The following MYH7B variants were observed in gnomAD, a reference collection of about 807,000 sequenced individuals.
MYH7B encodes the protein myosin-7B.
In MYH7B, 205 loss-of-function variants were observed where a neutral mutation model predicts 234.5. The observed-to-expected ratio is 0.87, with a 90% CI of 0.78 to 0.98. The LOEUF (loss-of-function observed/expected upper bound fraction) is 0.98. MYH7B is among the 50% of genes least tolerant of loss of function. MYH7B has a pLI of 0.00. For missense variants in MYH7B, 2,652 were observed against 2,633.4 expected (o/e 1.01, Z -0.15); for synonymous variants, 1,193 against 1,105.0 (o/e 1.08, Z -1.58).
At chr20:34,969,215 G>C (rs1205609381) in intron 2 of MYH7B, among the ~76,000 whole-genome samples, 1 of 152,166 alleles carries the variant, frequency 6.6e-6, no homozygotes, top group Admixed American at 6.5e-5. Context: ...CACTCTCTGA[G>C]GACCAGCCCT....
chr20:34,997,496 C>T, exon 32 of MYH7B: 2 of 1,568,598 alleles, frequency 1.3e-6, no homozygotes, highest in Non-Finnish European at 8.6e-7. Flanking sequence ...CACTGCGGCG[C>T]AAGCAGGCGG....
Position 34,996,406 on chromosome 20 carries a change from G to A in MYH7B, c.3004G>A (p.Glu1002Lys), listed in dbSNP as rs1214758148. 3.1e-6 allele frequency: 5 copies of A among 1,612,922 alleles called. No homozygotes were observed. The highest frequency in any genetic ancestry group is 4.2e-6 in the Non-Finnish European group (5 of 1,179,700). ...CGAGTCAGTGGCCCGGCTGACCAAGGAGAAGAAGGCGTTGCAGGAGGCCCA... is the reference window on the plus strand; with the variant it reads ...CGAGTCAGTGGCCCGGCTGACCAAGAAGAAGAAGGCGTTGCAGGAGGCCCA... Residue 1002 changes from glutamate to lysine, a missense_variant, in exon 29 of 45, where the codon GAG becomes AAG. Coordinates refer to ENST00000262873, the Ensembl canonical transcript of MYH7B.
exon 10 of MYH7B, chr20:34,982,497 G>T (rs779307780): frequency 6.2e-7 from 1 of 1,613,804 alleles, no homozygotes; most frequent in Non-Finnish European, 8.5e-7. Flanking sequence ...AACACCAAGC[G>T]GGTCATTCAG....
At chr20:34,956,856 A>G (rs1016074698) in intron 1 of MYH7B, among the ~76,000 whole-genome samples, 3 of 152,140 alleles carry the variant, frequency 2.0e-5, no homozygotes, top group African/African-American at 7.2e-5. Context: ...GGAGTTGGAG[A>G]CCAGGCTGGG....
Position 34,982,536 on chromosome 20 carries a change from A to ACGGGC in MYH7B, c.611_615dup (p.Lys206ArgfsTer36), listed in dbSNP as rs764950910. 8.7e-6 allele frequency: 14 copies of ACGGGC among 1,607,372 alleles called. No individual in the cohort carries two copies. In the East Asian group the frequency reaches 3.2e-4, roughly 36 times the overall value. ...TTTGCCATCGTCGCTGCCCTGGGAG[A>ACGGGC]CGGGCCGGGCAAGAAGGCCGTAAGA... On this transcript the variant is annotated frameshift_variant, in exon 10 of 45. Transcript: ENST00000262873. LOFTEE classifies it high-confidence loss of function.
exon 5 of MYH7B, chr20:34,977,988 C>T (rs1324341724): frequency 8.7e-6 from 14 of 1,613,958 alleles, no homozygotes; most frequent in African/African-American, 1.3e-5. Flanking sequence ...CCTCCTCCTT[C>T]ACCCCAGTGC....
intron 3 of MYH7B, among the ~76,000 whole-genome samples, chr20:34,976,548 G>T (rs2081856254): frequency 6.6e-6 from 1 of 152,236 alleles, no homozygotes; most frequent in Non-Finnish European, 1.5e-5. Flanking sequence ...CAGATGGACT[G>T]CCAGCGCCCT....
exon 32 of MYH7B, chr20:34,997,470 G>A (rs751462221): frequency 1.3e-5 from 19 of 1,516,468 alleles, no homozygotes; most frequent in South Asian, 1.1e-4. Context: ...GCTGCGGCAC[G>A]AGGCCACAGT....
At chr20:34,988,320 G>A (rs1355432216) in intron 19 of MYH7B, 58 bp downstream of exon 19, 8 of 1,555,886 alleles carry the variant, frequency 5.1e-6, no homozygotes, top group Non-Finnish European at 7.0e-6. Flanking sequence ...TGAGCAAGCA[G>A]GGATGGATGA....
In MYH7B at chr20:34,956,924, C is replaced by T. The variant is rs573017313; in HGVS notation, c.-337+917C>T. Among the ~76,000 whole-genome samples, 3 of 152,214 alleles carry T rather than the reference C, an allele frequency of 2.0e-5. No homozygotes were observed. The South Asian group carries it at 6.2e-4, about 32-fold the overall frequency. On this transcript the variant is annotated intron_variant, in intron 1 of 44. Coordinates refer to ENST00000262873, the Ensembl canonical transcript of MYH7B. The stretch of plus-strand genomic sequence containing the variant: ...ACAAGAATTAGCCGGGTGTGTTGGC[C>T]CGTGCCTGTAATCCCAGCTACTCGG...
chr20:34,987,571 GCCTA>G lies in MYH7B; in HGVS notation c.1166_1169del (p.Tyr389Ter). On this transcript the variant is annotated frameshift_variant, in exon 17 of 45. Transcript: ENST00000262873. LOFTEE classifies it high-confidence loss of function. ...TGCCCTGCCAGGTGCTGACAAGGCT[GCCTA>G]CCTGATGGGGGTCAGCAGTGGGGAC... 1 of 1,613,256 alleles carries G rather than the reference GCCTA, an allele frequency of 6.2e-7. No homozygotes were observed. The highest frequency in any genetic ancestry group is 1.7e-5 in the Admixed American group (1 of 59,960).
At position 34,995,581 on chromosome 20, in the gene MYH7B, G is replaced by A; in HGVS notation, c.2943+3G>A. On this transcript the variant is annotated splice_donor_region_variant and intron_variant, in intron 28 of 44. Coordinates refer to ENST00000262873, the Ensembl canonical transcript of MYH7B. ...AGAAGCAAGCCACTGAGAACAAGGT[G>A]TGGGCCGGGCCAGCTGTGGGGAAGG... 1.2e-6 allele frequency: 2 copies of A among 1,613,816 alleles called. No individual in the cohort carries two copies. Among genetic ancestry groups the A allele is most frequent in the South Asian group, 2.2e-5 (2 of 91,090 alleles).
chr20:34,972,686 G>C (rs900450312), intron 2 of MYH7B, among the ~76,000 whole-genome samples: 1 of 152,150 alleles, frequency 6.6e-6, no homozygotes, highest in African/African-American at 2.4e-5. Flanking sequence ...CTGGAGTGCA[G>C]TGGCATGATC....
intron 2 of MYH7B, among the ~76,000 whole-genome samples, chr20:34,971,186 A>G (rs961225015): frequency 2.6e-5 from 4 of 152,222 alleles, no homozygotes; most frequent in Non-Finnish European, 5.9e-5. Flanking sequence ...GACATCAAGC[A>G]AGGACCTGCC....
intron 4 of MYH7B, 59 bp downstream of exon 4, chr20:34,977,739 T>TGGGGGGGGGGGGGGGGCCCCCCC: frequency 2.1e-6 from 1 of 469,214 alleles, no homozygotes; most frequent in Non-Finnish European, 4.1e-6. Context: ...GGCGGGTGGG[T>TGGGGGGGGGGGGGGGGCCCCCCC]GAGGGTGCCC....
chr20:34,983,606 G>A (rs576998857), intron 10 of MYH7B, among the ~76,000 whole-genome samples: 1 of 152,204 alleles, frequency 6.6e-6, no homozygotes, highest in South Asian at 2.1e-4. Context: ...GAGAGGGTCG[G>A]GCAAGGGAGG....
chr20:34,999,588 A>G, exon 37 of MYH7B: 1 of 1,611,298 alleles, frequency 6.2e-7, no homozygotes, highest in Non-Finnish European at 8.5e-7. Flanking sequence ...CAGCGACCTC[A>G]CAGACCAGGT....
At chr20:34,986,859 C>A in intron 14 of MYH7B, 27 bp from the exon 15 acceptor site, 3 of 1,584,538 alleles carry the variant, frequency 1.9e-6, no homozygotes, top group Non-Finnish European at 2.6e-6. Context: ...ACTGCCTGAC[C>A]CTCCCTTCTC....
At position 34,984,835 on chromosome 20, in the gene MYH7B, C is replaced by T. The variant is rs749478507; in HGVS notation, c.649-19C>T. 10 of 1,610,118 alleles carry T rather than the reference C, an allele frequency of 6.2e-6. No homozygotes were observed. Among genetic ancestry groups the T allele is most frequent in the Admixed American group, 1.7e-5 (1 of 59,988 alleles). The stretch of plus-strand genomic sequence containing the variant: ...GTAGGCACCAGAACTGACAGACCCC[C>T]TCACCCCCACCGCCCCAGGGCACCC... On this transcript the variant is annotated intron_variant, in intron 11 of 44. Coordinates refer to ENST00000262873, the Ensembl canonical transcript of MYH7B.
Sources: gnomAD v4.1 joint callset for allele counts (sites outside exome capture counted in the v4.1 genomes callset) on GRCh38, gnomAD v4.1.1 for gene constraint, MANE v1.5 for transcripts, NCBI Gene and HGNC (gene_info 2026-07-23, HGNC 2026-07-21) for gene names.